TOM1L2: variants seen among roughly 807,000 people sequenced by gnomAD.
The protein encoded by TOM1L2 is target of myb1 like 2 membrane trafficking protein.
TOM1L2 carries 31 observed loss-of-function variants against 67.9 expected under a neutral mutation model. The observed-to-expected ratio is 0.46, with a 90% CI of 0.34 to 0.62. The LOEUF is 0.62. Among genes scored for constraint, TOM1L2 ranks in the 20% least tolerant of loss-of-function variants. The pLI is 0.01. For missense variants in TOM1L2, 606 were observed against 663.5 expected (o/e 0.91, Z 0.95); for synonymous variants, 256 against 254.0 (o/e 1.01, Z -0.07).
intron 3 of TOM1L2, among the ~76,000 whole-genome samples, chr17:17,897,634 C>T (rs1444812906): frequency 6.6e-6 from 1 of 152,094 alleles, no homozygotes; most frequent in Admixed American, 6.5e-5. Flanking sequence ...TGGTCTGTTC[C>T]TTCCTGAAAA....
In TOM1L2 at chr17:17,972,367, C is replaced by G. The variant is rs1279364053; in HGVS notation, c.-54G>C. 1.3e-6 allele frequency: 2 copies of G among 1,547,158 alleles called. No homozygotes were observed. The highest frequency in any genetic ancestry group is 1.7e-6 in the Non-Finnish European group (2 of 1,145,686). On this transcript the variant is annotated 5_prime_UTR_variant, in exon 1 of 15. Coordinates refer to ENST00000379504, the MANE Select transcript of TOM1L2 (RefSeq NM_001082968.2). ...GCCCCCTGTCTGCCACCTAGGCCTCCGCTGTAACCCGCCGGACTCCCGTCC... is the reference window on the plus strand; with the variant it reads ...GCCCCCTGTCTGCCACCTAGGCCTCGGCTGTAACCCGCCGGACTCCCGTCC...
At chr17:17,859,919 C>G (rs1430891057) in intron 12 of TOM1L2, 1 of 152,308 alleles carries the variant, frequency 6.6e-6, no homozygotes, top group African/African-American at 2.4e-5. Context: ...GGAAAACCTG[C>G]TGGAGTCATC....
rs765019809 is a variant in TOM1L2, at chr17:17,893,813, G to A, written c.217-3C>T. On this transcript the variant is annotated splice_polypyrimidine_tract_variant and splice_region_variant and intron_variant, in intron 3 of 14. Transcript: ENST00000379504. ...TTCTTCACACATGTCTCCAGCACCT[G>A]ATGTGGGGAGGGAAGGAAAAGGGTC... 1.2e-5 allele frequency: 19 copies of A among 1,613,372 alleles called. No homozygotes were observed. In the African/African-American group the frequency reaches 2.1e-4, roughly 18 times the overall value.
intron 1 of TOM1L2, among the ~76,000 whole-genome samples, chr17:17,942,453 G>A (rs575234195): frequency 1.1e-4 from 17 of 152,162 alleles, no homozygotes; most frequent in Admixed American, 3.3e-4. Context: ...TATATACTTC[G>A]CAGGATTACT....
In TOM1L2 at chr17:17,845,405, T is replaced by C. The variant is rs1461390889; in HGVS notation, c.*2230A>G. ...TGGGAGTGGGTATGAAAAACAGTTT[T>C]GCTGGGGGCTCCCCAGGAGGGCGCC... On this transcript the variant is annotated 3_prime_UTR_variant, in exon 15 of 15. Transcript: ENST00000379504. 1 of 152,228 alleles carries C rather than the reference T, an allele frequency of 6.6e-6. No individual in the cohort carries two copies. The highest frequency in any genetic ancestry group is 1.5e-5 in the Non-Finnish European group (1 of 68,038). The allele number at this position is 152,228 out of a possible 1,614,324, so 9.4% of individuals were successfully genotyped here. A position where few individuals can be genotyped will look rare whatever the true frequency, so the allele number is the denominator to read the frequency against.
intron 7 of TOM1L2, 74 bp downstream of exon 7, chr17:17,879,553 C>T (rs1341540349): frequency 2.4e-6 from 3 of 1,225,918 alleles, no homozygotes; most frequent in African/African-American, 1.5e-5. Flanking sequence ...GCTGTGTCCC[C>T]GGGTGGGATC....
At chr17:17,938,770 T>TC (rs529651113) in intron 1 of TOM1L2, among the ~76,000 whole-genome samples, 1 of 151,592 alleles carries the variant, frequency 6.6e-6, no homozygotes. Context: ...GAAAGGGTTT[T>TC]TTTTTTTTTT....
intron 3 of TOM1L2, among the ~76,000 whole-genome samples, chr17:17,895,660 T>C (rs1384040604): frequency 6.6e-6 from 1 of 152,226 alleles, no homozygotes; most frequent in Non-Finnish European, 1.5e-5. Context: ...ATTAGCCTTC[T>C]CTGGAGCCCC....
At chr17:17,933,976 C>T (rs1279082869) in intron 1 of TOM1L2, among the ~76,000 whole-genome samples, 3 of 152,134 alleles carry the variant, frequency 2.0e-5, no homozygotes, top group Non-Finnish European at 4.4e-5. Flanking sequence ...AGGTGACTCA[C>T]TGCCTGGAAA....
At chr17:17,877,093 C>T (rs1309599769) in intron 7 of TOM1L2, among the ~76,000 whole-genome samples, 2 of 152,224 alleles carry the variant, frequency 1.3e-5, no homozygotes, top group Non-Finnish European at 2.9e-5. Context: ...CTCAGCCTCT[C>T]CTCAAATACA....
At chr17:17,910,273 G>A (rs1376239438) in intron 1 of TOM1L2, among the ~76,000 whole-genome samples, 3 of 152,200 alleles carry the variant, frequency 2.0e-5, no homozygotes, top group African/African-American at 7.2e-5. Context: ...CAGGACTACA[G>A]CCAGGGTCAC....
intron 8 of TOM1L2, 35 bp downstream of exon 8, chr17:17,869,305 A>C: frequency 6.4e-7 from 1 of 1,551,738 alleles, no homozygotes; most frequent in Non-Finnish European, 8.7e-7. Flanking sequence ...AATCTTTTCA[A>C]GGGAAAAAAA....
intron 2 of TOM1L2, among the ~76,000 whole-genome samples, chr17:17,901,852 A>G (rs2038871272): frequency 6.6e-6 from 1 of 152,160 alleles, no homozygotes; most frequent in South Asian, 2.1e-4. Flanking sequence ...CTGTGCCTTG[A>G]TTGTGTAGGT....
intron 7 of TOM1L2, among the ~76,000 whole-genome samples, chr17:17,878,969 A>C (rs2037569533): frequency 6.6e-6 from 1 of 152,198 alleles, no homozygotes; most frequent in African/African-American, 2.4e-5. Flanking sequence ...TCAGGGGTAG[A>C]CTGCAGGCCG....
chr17:17,882,759 TGCGGAGTA>T lies in TOM1L2; in HGVS notation c.598_605del (p.Tyr200ThrfsTer25). The T allele has an allele frequency of 6.2e-7, 1 of 1,614,116 alleles. No individual in the cohort carries two copies. The highest frequency in any genetic ancestry group is 8.5e-7 in the Non-Finnish European group (1 of 1,180,034). ...TCACACTCAGAGCTGGGGCCTGCGG[TGCGGAGTA>T]GGGAGCAGGAGGCGGCGAGGAATAG... On this transcript the variant is annotated frameshift_variant, in exon 6 of 15. Transcript: ENST00000379504. LOFTEE classifies it high-confidence loss of function.
At position 17,849,300 on chromosome 17, in the gene TOM1L2, G is replaced by C. The variant is rs2035827887; in HGVS notation, c.1339-441C>G. On this transcript the variant is annotated intron_variant, in intron 13 of 14. Coordinates refer to ENST00000379504, the MANE Select transcript of TOM1L2 (RefSeq NM_001082968.2). ...AACACCCACTCACTGCCAGCCACAG[G>C]GTTTCTGGGAAGACGCTGTTGACAC... Among the ~76,000 whole-genome samples, 6 of 152,326 alleles carry C rather than the reference G, an allele frequency of 3.9e-5. No individual in the cohort carries two copies. In the South Asian group the frequency reaches 1.2e-3, roughly 32 times the overall value.
Position 17,847,006 on chromosome 17 carries a change from T to C in TOM1L2, c.*629A>G, listed in dbSNP as rs564257514. The C allele has an allele frequency of 6.6e-6, 1 of 152,458 alleles. No homozygotes were observed. The highest frequency in any genetic ancestry group is 2.1e-4 in the South Asian group (1 of 4,822). 9.4% of individuals were successfully genotyped at this position (152,458 alleles called of 1,614,324 possible). The stretch of plus-strand genomic sequence containing the variant: ...GCCAGGCTCGGCTGCTGAGCCAGCT[T>C]GGGTGTGAAGCCTGGGCTGGCAGCT... On this transcript the variant is annotated 3_prime_UTR_variant, in exon 15 of 15. Coordinates refer to ENST00000379504, the MANE Select transcript of TOM1L2 (RefSeq NM_001082968.2).
At chr17:17,929,321 G>A (rs1031564363) in intron 1 of TOM1L2, among the ~76,000 whole-genome samples, 9 of 152,320 alleles carry the variant, frequency 5.9e-5, no homozygotes, top group African/African-American at 2.2e-4. Flanking sequence ...TTGGGTGGGT[G>A]AGAGGGGTTG....
chr17:17,890,610 A>G (rs74473167), intron 4 of TOM1L2, among the ~76,000 whole-genome samples: 2,637 of 152,274 alleles, frequency 0.017, 37 homozygotes, highest in Non-Finnish European at 0.024. Flanking sequence ...ATCACAGGCA[A>G]CAATGCGTGT....
Sources: allele counts gnomAD v4.1 joint callset (sites outside exome capture counted in the v4.1 genomes callset), GRCh38; gene constraint gnomAD v4.1.1; transcripts MANE v1.5; gene names NCBI Gene and HGNC (gene_info 2026-07-23, HGNC 2026-07-21).